The following SETBP1 variants were observed in gnomAD, a reference collection of about 807,000 sequenced individuals.
The protein encoded by SETBP1 is SET binding protein 1.
SETBP1 carries 9 observed loss-of-function variants against 101.0 expected under a neutral mutation model. The ratio of observed to expected loss-of-function variants is 0.09; its 90% confidence interval spans 0.05 to 0.16. The LOEUF is 0.16. Among genes scored for constraint, SETBP1 ranks in the 10% least tolerant of loss-of-function variants. The pLI, the probability that SETBP1 is intolerant of heterozygous loss-of-function variation, is 1.00. For synonymous variants in SETBP1, 818 were observed against 788.5 expected, an observed-to-expected ratio of 1.04 and a Z score of -0.63; for missense variants, 1,858 against 2,033.8, an observed-to-expected ratio of 0.91 and a Z score of 1.66.
intron 3 of SETBP1, among the ~76,000 whole-genome samples, chr18:44,895,838 A>T (rs1414400995): frequency 2.0e-5 from 3 of 152,292 alleles, no homozygotes; most frequent in Admixed American, 1.3e-4. Context: ...CCAAAGAAAA[A>T]AAATGACACT....
At chr18:44,893,265 T>A (rs1055787836) in intron 3 of SETBP1, among the ~76,000 whole-genome samples, 2 of 152,148 alleles carry the variant, frequency 1.3e-5, no homozygotes, top group African/African-American at 4.8e-5. Flanking sequence ...TACTGGCCAC[T>A]GACTAAAGGC....
In SETBP1 at chr18:44,791,214, A is replaced by G. The variant is rs900452311; in HGVS notation, c.487-78016A>G. On this transcript the variant is annotated intron_variant, in intron 2 of 5. Coordinates refer to ENST00000649279, the MANE Select transcript of SETBP1 (RefSeq NM_015559.3). ...ACAGTTGGATCGGAGGCGCTCTTGT[A>G]TCTAGTGGGTAGAGGCCAGGGATGC... Among the ~76,000 whole-genome samples the G allele has an allele frequency of 2.6e-5, 4 of 152,176 alleles. No individual in the cohort carries two copies. In the East Asian group the frequency reaches 7.7e-4, roughly 29 times the overall value.
intron 2 of SETBP1, among the ~76,000 whole-genome samples, chr18:44,785,277 T>A (rs6507582): frequency 0.31 from 46,644 of 151,956 alleles, 7,430 homozygotes; most frequent in East Asian, 0.5. Context: ...GGTGAAACTG[T>A]TGAGCATGTG....
At chr18:45,042,602 G>A (rs1199688898) in intron 5 of SETBP1, among the ~76,000 whole-genome samples, 1 of 152,176 alleles carries the variant, frequency 6.6e-6, no homozygotes, top group African/African-American at 2.4e-5. Flanking sequence ...GATACAATAT[G>A]GGAGAAATGA....
chr18:44,757,097 C>T (rs1370260745), intron 2 of SETBP1, among the ~76,000 whole-genome samples: 1 of 151,904 alleles, frequency 6.6e-6, no homozygotes, highest in Non-Finnish European at 1.5e-5. Context: ...CCTCAGCCAT[C>T]CAAGATAAGA....
At chr18:44,725,679 C>T (rs187544061) in intron 2 of SETBP1, among the ~76,000 whole-genome samples, 6 of 152,112 alleles carry the variant, frequency 3.9e-5, no homozygotes, top group Admixed American at 1.3e-4. Flanking sequence ...GACATCCTCC[C>T]GGTGCTATGT....
chr18:44,883,369 A>G (rs1317617243), intron 3 of SETBP1, among the ~76,000 whole-genome samples: 1 of 152,334 alleles, frequency 6.6e-6, no homozygotes, highest in East Asian at 1.9e-4. Context: ...CTTGCAACTA[A>G]TATTCTTCCT....
intron 5 of SETBP1, among the ~76,000 whole-genome samples, chr18:45,045,572 A>G (rs1466098811): frequency 6.6e-6 from 1 of 152,190 alleles, no homozygotes; most frequent in Non-Finnish European, 1.5e-5. Context: ...CTTGTTTCTA[A>G]GTTTTGGCTC....
At chr18:44,831,407 A>T (rs1180895329) in intron 2 of SETBP1, among the ~76,000 whole-genome samples, 1 of 152,206 alleles carries the variant, frequency 6.6e-6, no homozygotes, top group Middle Eastern at 3.2e-3. Context: ...ACTCTTGAAA[A>T]CATTGCTGAC....
chr18:44,936,446 A>G (rs1023759362), intron 3 of SETBP1, among the ~76,000 whole-genome samples: 3 of 152,212 alleles, frequency 2.0e-5, no homozygotes, highest in Non-Finnish European at 4.4e-5. Flanking sequence ...TCTCTCTTTC[A>G]GTAAGTTTTC....
chr18:44,984,661 G>A (rs578053269), intron 4 of SETBP1, among the ~76,000 whole-genome samples: 1 of 152,214 alleles, frequency 6.6e-6, no homozygotes, highest in East Asian at 1.9e-4. Context: ...GATGTGGTGT[G>A]GATTAAATGA....
At chr18:45,015,043 C>T (rs529882121) in intron 4 of SETBP1, among the ~76,000 whole-genome samples, 2 of 152,124 alleles carry the variant, frequency 1.3e-5, no homozygotes, top group African/African-American at 2.4e-5. Flanking sequence ...GATTCCTGAT[C>T]AGTGGCGAGC....
At position 44,873,659 on chromosome 18, in the gene SETBP1, T is replaced by C. The variant is rs187080066; in HGVS notation, c.540+4376T>C. Among the ~76,000 whole-genome samples the C allele has an allele frequency of 9.7e-4, 148 of 152,204 alleles. 2 individuals are homozygous for C. The highest frequency in any genetic ancestry group is 5.6e-3 in the Admixed American group (86 of 15,290). On this transcript the variant is annotated intron_variant, in intron 3 of 5. Coordinates refer to ENST00000649279, the MANE Select transcript of SETBP1 (RefSeq NM_015559.3). ...CATCTGGAGGCTTGGTGTGGTTTAA[T>C]TGTGGAGCCTCAGAGGAGAGCATCG...
chr18:44,847,908 G>C (rs2072755875), intron 2 of SETBP1, among the ~76,000 whole-genome samples: 1 of 152,086 alleles, frequency 6.6e-6, no homozygotes, highest in Non-Finnish European at 1.5e-5. Flanking sequence ...GAGGGAGCAG[G>C]CAGGCATCCC....
chr18:44,686,878 C>T (rs1377246934), intron 1 of SETBP1, among the ~76,000 whole-genome samples: 1 of 152,120 alleles, frequency 6.6e-6, no homozygotes, highest in South Asian at 2.1e-4. Flanking sequence ...TTTCAGTCAC[C>T]GATTCACTCA....
chr18:44,845,664 G>A (rs921378092), intron 2 of SETBP1, among the ~76,000 whole-genome samples: 2 of 152,188 alleles, frequency 1.3e-5, no homozygotes, highest in African/African-American at 4.8e-5. Flanking sequence ...TGCAGCTCAG[G>A]CCTTTCCCCA....
Position 44,953,090 on chromosome 18 carries a change from C to T in SETBP1, c.3750C>T (p.Asp1250=), listed in dbSNP as rs765018649. The change falls in exon 4 of 6, where the codon GAC becomes GAT. Residue 1250 remains aspartate (D), a synonymous_variant. Transcript: ENST00000649279. The stretch of plus-strand genomic sequence containing the variant: ...GGACACAGGCCAAGGAAAAAGGAGA[C>T]TTGAGCAGTGAGCCTGTGGACTCAT... ...QHWTQAKEKG[D]LSSEPVDSCT... The T allele has an allele frequency of 4.3e-6, 7 of 1,614,168 alleles. No homozygotes were observed. The highest frequency in any genetic ancestry group is 5.9e-6 in the Non-Finnish European group (7 of 1,180,028).
chr18:44,960,482 A>G (rs1428808620), intron 4 of SETBP1, among the ~76,000 whole-genome samples: 1 of 151,996 alleles, frequency 6.6e-6, no homozygotes, highest in Non-Finnish European at 1.5e-5. Flanking sequence ...CTACAGGTGT[A>G]TGCCACCATA....
intron 2 of SETBP1, among the ~76,000 whole-genome samples, chr18:44,858,203 GC>G (rs1568184260): frequency 6.6e-6 from 1 of 152,222 alleles, no homozygotes; most frequent in Non-Finnish European, 1.5e-5. Context: ...ATCTTTAGAA[GC>G]TGTGGCAGAT....
Sources: gnomAD v4.1 joint callset for allele counts (sites outside exome capture counted in the v4.1 genomes callset) on GRCh38, gnomAD v4.1.1 for gene constraint, MANE v1.5 for transcripts, NCBI Gene and HGNC (gene_info 2026-07-23, HGNC 2026-07-21) for gene names.